FILIP1: variants seen among roughly 807,000 people sequenced by gnomAD.
The protein encoded by FILIP1 is filamin A interacting protein 1.
Under a neutral mutation model 102.1 loss-of-function variants are expected in FILIP1, and 61 were observed. The ratio of observed to expected loss-of-function variants is 0.60; its 90% CI spans 0.49 to 0.74. FILIP1 has a LOEUF of 0.74. FILIP1 is among the 30% of genes least tolerant of loss of function. The probability of loss-of-function intolerance (pLI) is 0.00; values close to 1 mark genes in which losing one functional copy is unlikely to be tolerated. For synonymous variants in FILIP1, 491 were observed against 526.9 expected (o/e 0.93, Z 0.93); for missense variants, 1,314 against 1,441.2 (o/e 0.91, Z 1.43).
At chr6:75,449,443 G>A (rs1192412852) in intron 1 of FILIP1, among the ~76,000 whole-genome samples, 1 of 152,010 alleles carries the variant, frequency 6.6e-6, no homozygotes, top group Non-Finnish European at 1.5e-5. Flanking sequence ...ATTCATGTAA[G>A]CAAATACCAC....
chr6:75,331,899 A>T (rs553759676), intron 4 of FILIP1, among the ~76,000 whole-genome samples: 16 of 152,204 alleles, frequency 1.1e-4, no homozygotes, highest in Admixed American at 8.5e-4. Context: ...TTGATTGGTG[A>T]TTAGGTCAGA....
intron 2 of FILIP1, among the ~76,000 whole-genome samples, chr6:75,378,194 T>C (rs996895431): frequency 1.4e-5 from 2 of 142,210 alleles, no homozygotes; most frequent in African/African-American, 5.5e-5. Flanking sequence ...GAAGGACTCA[T>C]GTCTGAAGGA....
At chr6:75,386,647 G>T (rs763461044) in intron 2 of FILIP1, among the ~76,000 whole-genome samples, 14 of 152,128 alleles carry the variant, frequency 9.2e-5, no homozygotes, top group Non-Finnish European at 1.5e-4. Context: ...TCTTCCTGAG[G>T]TGTCTGGGCG....
intron 1 of FILIP1, among the ~76,000 whole-genome samples, chr6:75,436,143 C>A (rs2149713802): frequency 6.6e-6 from 1 of 152,028 alleles, no homozygotes; most frequent in South Asian, 2.1e-4. Context: ...GAGGCCGAGG[C>A]AGGCAGATCA....
rs1416239665 is a variant in FILIP1 at position 75,433,003 on chromosome 6, G to C, written c.-6-18025C>G. 2.0e-5 allele frequency among the ~76,000 whole-genome samples: 3 copies of C among 152,252 alleles called. No individual in the cohort carries two copies. In the East Asian group the frequency reaches 5.8e-4, roughly 29 times the overall value. On this transcript the variant is annotated intron_variant, in intron 1 of 5. Coordinates refer to ENST00000237172, the MANE Select transcript of FILIP1 (RefSeq NM_015687.5). Reference sequence around the variant, plus strand: ...TCATCCATGTCCCTACAAAGGACATGAGCTCATCCTTTTTTATGGCTGCAT... The same window carrying C: ...TCATCCATGTCCCTACAAAGGACATCAGCTCATCCTTTTTTATGGCTGCAT...
intron 1 of FILIP1, among the ~76,000 whole-genome samples, chr6:75,430,924 T>A (rs1012315807): frequency 2.0e-5 from 3 of 152,158 alleles, no homozygotes; most frequent in African/African-American, 7.2e-5. Context: ...TGTCTTGTGG[T>A]TTGATGTGAA....
At chr6:75,340,816 C>T (rs1323784171) in intron 4 of FILIP1, among the ~76,000 whole-genome samples, 2 of 151,488 alleles carry the variant, frequency 1.3e-5, no homozygotes, top group African/African-American at 2.4e-5. Flanking sequence ...CTATCTCAGC[C>T]TCCCTAGTAG....
chr6:75,463,531 T>A (rs1430500138), intron 1 of FILIP1, among the ~76,000 whole-genome samples: 3 of 152,222 alleles, frequency 2.0e-5, no homozygotes, highest in Non-Finnish European at 4.4e-5. Context: ...ACAGACTGAA[T>A]GAGTTTCCTA....
At chr6:75,418,908 A>G (rs997442925) in intron 1 of FILIP1, among the ~76,000 whole-genome samples, 4 of 152,138 alleles carry the variant, frequency 2.6e-5, no homozygotes, top group African/African-American at 9.6e-5. Flanking sequence ...TTTGCTAACT[A>G]GAGTGTGAAG....
chr6:75,372,633 G>GA (rs1335799461), intron 2 of FILIP1, among the ~76,000 whole-genome samples: 2 of 45,414 alleles, frequency 4.4e-5, no homozygotes, highest in African/African-American at 1.1e-4. Flanking sequence ...AAGAAAGAAA[G>GA]AAAGAAAGAA....
chr6:75,297,049 G>A (rs1259416527), intron 6 of FILIP1: 1 of 151,840 alleles, frequency 6.6e-6, no homozygotes, highest in African/African-American at 2.4e-5. Context: ...ACACAGCAGG[G>A]GAAAGAAAAT....
intron 1 of FILIP1, among the ~76,000 whole-genome samples, chr6:75,422,598 T>C (rs2149697491): frequency 6.6e-6 from 1 of 152,288 alleles, no homozygotes; most frequent in South Asian, 2.1e-4. Flanking sequence ...ACAAGTACCT[T>C]AGGCATTATC....
chr6:75,460,486 G>A (rs1220541157), intron 1 of FILIP1, among the ~76,000 whole-genome samples: 7 of 152,064 alleles, frequency 4.6e-5, no homozygotes. Context: ...TTTTATAGGA[G>A]TAATATTAGA....
rs374887916 is a variant in FILIP1 at position 75,312,516 on chromosome 6, C to T, written c.3316G>A (p.Gly1106Ser). The T allele has an allele frequency of 4.3e-6, 7 of 1,614,114 alleles. No homozygotes were observed. The highest frequency in any genetic ancestry group is 1.3e-5 in the African/African-American group (1 of 75,004). The change falls in exon 5 of 6, where the codon GGC becomes AGC. Residue 1106 changes from glycine to serine, a missense_variant. Gly to Ser is a moderately conservative substitution (Grantham distance 56, BLOSUM62 0). Around this residue, in one of 3 missense-constraint regions of FILIP1, gnomAD observed 816 missense variants for 913.1 expected, o/e 0.89. Transcript: ENST00000237172. ...TTCCTGGGAGAGCGAAGGACAGTGC[C>T]GGTGGAAACCTCCTTTTCGGCTGTC... ...NVTAEKEVST[G>S]TVLRSPRNHL...
chr6:75,407,469 G>A (rs568174711), intron 2 of FILIP1, among the ~76,000 whole-genome samples: 97 of 152,042 alleles, frequency 6.4e-4, no homozygotes, highest in Non-Finnish European at 9.4e-4. Context: ...CTTGTGATCC[G>A]CCCACCTCGG....
chr6:75,356,167 C>A (rs1390314500), intron 3 of FILIP1, among the ~76,000 whole-genome samples: 2 of 152,228 alleles, frequency 1.3e-5, no homozygotes, highest in Non-Finnish European at 1.5e-5. Context: ...CGGGGTAACT[C>A]CACAGGGTCT....
intron 2 of FILIP1, among the ~76,000 whole-genome samples, chr6:75,403,665 GA>G (rs1276588702): frequency 6.6e-6 from 1 of 152,188 alleles, no homozygotes; most frequent in African/African-American, 2.4e-5. Context: ...TGAGTATGGG[GA>G]AAAAATGTAG....
At chr6:75,343,810 G>A (rs1037227089) in intron 4 of FILIP1, among the ~76,000 whole-genome samples, 1 of 152,198 alleles carries the variant, frequency 6.6e-6, no homozygotes, top group African/African-American at 2.4e-5. Context: ...CTATAATTGA[G>A]CACAAGCAAA....
At chr6:75,380,658 A>G (rs1775882960) in intron 2 of FILIP1, among the ~76,000 whole-genome samples, 1 of 152,208 alleles carries the variant, frequency 6.6e-6, no homozygotes, top group Admixed American at 6.5e-5. Flanking sequence ...GTTATGTTTA[A>G]TAGTAAAAAA....
Sources: allele counts gnomAD v4.1 joint callset (sites outside exome capture counted in the v4.1 genomes callset), GRCh38; gene constraint gnomAD v4.1.1; regional missense constraint gnomAD v4.1.1; transcripts MANE v1.5; gene names NCBI Gene and HGNC (gene_info 2026-07-23, HGNC 2026-07-21).